The following DDOST variants were observed in gnomAD, a reference collection of about 807,000 sequenced individuals.
DDOST encodes the protein dolichyl-diphosphooligosaccharide--protein glycosyltransferase 48 kDa subunit.
DDOST carries 25 observed loss-of-function variants against 47.6 expected under a neutral mutation model. The observed-to-expected ratio is 0.53, with a 90% CI of 0.38 to 0.73. The LOEUF (loss-of-function observed/expected upper bound fraction) is 0.73. Among genes scored for constraint, DDOST ranks in the 30% least tolerant of loss-of-function variants. The probability of loss-of-function intolerance (pLI) is 0.00; values close to 1 mark genes in which losing one functional copy is unlikely to be tolerated. For synonymous variants in DDOST, 275 were observed against 236.0 expected, an observed-to-expected ratio of 1.17 and a Z score of -1.51; for missense variants, 526 against 573.9, an observed-to-expected ratio of 0.92 and a Z score of 0.85.
intron 2 of DDOST, chr1:20,660,273 A>G (rs1201407162): frequency 6.6e-6 from 1 of 152,332 alleles, no homozygotes; most frequent in African/African-American, 2.4e-5. Context: ...TCTTAACAGA[A>G]TTGTTCAGTG....
intron 2 of DDOST, 36 bp from the exon 3 acceptor site, chr1:20,656,223 C>G: frequency 1.3e-6 from 2 of 1,528,228 alleles, no homozygotes; most frequent in Non-Finnish European, 1.8e-6. Flanking sequence ...ACCCAGAGGT[C>G]TCCTCTCCCT....
At chr1:20,659,301 T>A (rs1192737742) in intron 2 of DDOST, among the ~76,000 whole-genome samples, 1 of 152,126 alleles carries the variant, frequency 6.6e-6, no homozygotes, top group African/African-American at 2.4e-5. Context: ...ACACTCTCTG[T>A]CGTTTCTCCC....
chr1:20,653,110 G>T, intron 8 of DDOST, 139 bp from the exon 9 acceptor site: 1 of 979,002 alleles, frequency 1.0e-6, no homozygotes, highest in Non-Finnish European at 1.5e-6. Flanking sequence ...AGATGCCCCT[G>T]CCACCCGGCC....
rs780866895 is a variant in DDOST, at chr1:20,654,249, C to T, written c.768G>A (p.Val256=). ...FFSDSFFNSA[V]QKAAPGSQRY... ...TCTGGGAGCCGGGCGCCGCCTTCTG[C>T]ACTGCTGAGTTGAAGAAGGAGTCGC... Residue 256 remains valine, a synonymous_variant, in exon 7 of 11, where the codon GTG becomes GTA. Transcript: ENST00000602624. The T allele has an allele frequency of 6.4e-7, 1 of 1,551,370 alleles. No homozygotes were observed. The highest frequency in any genetic ancestry group is 8.7e-7 in the Non-Finnish European group (1 of 1,147,046).
chr1:20,653,625 AC>A lies in DDOST; in HGVS notation c.942+1del. 1 of 1,587,780 alleles carries A rather than the reference AC, an allele frequency of 6.3e-7. No homozygotes were observed. Among genetic ancestry groups the A allele is most frequent in the South Asian group, 1.1e-5 (1 of 88,834 alleles). On this transcript the variant is annotated splice_donor_variant, in intron 8 of 10. Coordinates refer to ENST00000602624, the MANE Select transcript of DDOST (RefSeq NM_005216.5). LOFTEE classifies it high-confidence loss of function. Reference sequence around the variant, plus strand: ...GGCCCTCCCACCCCAAACATCTCTTACCACTAGGTCAGTGACAGTGTAGGCA... The same window carrying A: ...GGCCCTCCCACCCCAAACATCTCTTACACTAGGTCAGTGACAGTGTAGGCA...
rs2053364446 is a variant in DDOST at position 20,655,696 on chromosome 1, C to T, written c.436G>A (p.Asp146Asn). The change falls in exon 4 of 11, where the codon GAC (aspartate) becomes AAC (asparagine). Residue 146 changes from aspartate to asparagine, a missense_variant. By Grantham distance (23) the Asp-to-Asn change is conservative (BLOSUM62 1). Coordinates refer to ENST00000602624, the MANE Select transcript of DDOST (RefSeq NM_005216.5). ...KTAVIDHHNY[D>N]ISDLGQHTLI... ...ATTACCTGGCCAAGGTCTGAGATGT[C>T]ATAGTTGTGATGGTCAATGACAGCC... The T allele has an allele frequency of 6.2e-7, 1 of 1,614,064 alleles. No individual in the cohort carries two copies. The highest frequency in any genetic ancestry group is 8.5e-7 in the Non-Finnish European group (1 of 1,179,918).
chr1:20,658,699 C>T (rs1440022777), intron 2 of DDOST, among the ~76,000 whole-genome samples: 7 of 152,226 alleles, frequency 4.6e-5, no homozygotes, highest in Non-Finnish European at 1.0e-4. Flanking sequence ...CGGCAGGCAG[C>T]AGCATCTGGC....
At chr1:20,655,637 A>G (rs2053363607) in intron 4 of DDOST, 39 bp downstream of exon 4, 1 of 1,601,166 alleles carries the variant, frequency 6.2e-7, no homozygotes, top group Admixed American at 1.7e-5. Context: ...GAGCTTTGCC[A>G]TATGCCCCTG....
At chr1:20,658,852 TTTTC>T (rs1356722805) in intron 2 of DDOST, among the ~76,000 whole-genome samples, 3 of 150,262 alleles carry the variant, frequency 2.0e-5, no homozygotes, top group East Asian at 3.9e-4. Flanking sequence ...TTTTTTTCTC[TTTTC>T]TTTTTTTTTT....
Position 20,660,884 on chromosome 1 carries a change from C to G in DDOST, c.262G>C (p.Glu88Gln). 1 of 1,591,484 alleles carries G rather than the reference C, an allele frequency of 6.3e-7. No homozygotes were observed. The highest frequency in any genetic ancestry group is 8.6e-7 in the Non-Finnish European group (1 of 1,159,560). The change falls in exon 2 of 11, where the codon GAA (glutamate) becomes CAA (glutamine). Residue 88 changes from glutamate to glutamine, a missense_variant. Transcript: ENST00000602624. ...DNLIIFSPSV[E>Q]DFGGNINVET... ...AGGGGCGACGCGGAACCCTTACCTT[C>G]TACCGAAGGGGAGAAAATGATGAGA...
At chr1:20,654,533 C>CTAG in intron 6 of DDOST, 81 bp downstream of exon 6, 1 of 1,407,130 alleles carries the variant, frequency 7.1e-7, no homozygotes, top group South Asian at 1.2e-5. Context: ...ACCCCACCAA[C>CTAG]TAGTCATTTC....
chr1:20,655,449 C>G lies in DDOST; in HGVS notation c.542G>C (p.Arg181Pro), dbSNP rs780909764. 6.2e-7 allele frequency: 1 copy of G among 1,613,372 alleles called. No homozygotes were observed. The highest frequency in any genetic ancestry group is 8.5e-7 in the Non-Finnish European group (1 of 1,179,568). The change falls in exon 5 of 11, where the codon CGA becomes CCA. Residue 181 changes from arginine to proline, a missense_variant. By Grantham distance (103) the Arg-to-Pro change is moderately radical. Transcript: ENST00000602624. ...CTGCTCACTCACTCACCCAACACCTCGAAAGAGGATGGGATTTAGAGATGA... is the reference window on the plus strand; with the variant it reads ...CTGCTCACTCACTCACCCAACACCTGGAAAGAGGATGGGATTTAGAGATGA... ...GKSSLNPILFRGVGMVADPDN... is the reference protein window; with the variant it reads ...GKSSLNPILFPGVGMVADPDN...
rs1557570289 is a variant in DDOST, at chr1:20,652,466, G to A, written c.1233C>T (p.Tyr411=). ...YERFIPSAYP[Y]YASAFSMMLG... ...GCATCATGGAGAAGGCGCTGGCGTA[G>A]TAGGGGTAGGCCGAGGGGATGAAGC... Residue 411 remains tyrosine (Y), a synonymous_variant, in exon 11 of 11, where the codon TAC becomes TAT. Coordinates refer to ENST00000602624, the MANE Select transcript of DDOST (RefSeq NM_005216.5). 1 of 1,613,882 alleles carries A rather than the reference G, an allele frequency of 6.2e-7. No homozygotes were observed. Among genetic ancestry groups the A allele is most frequent in the Admixed American group, 1.7e-5 (1 of 60,012 alleles).
chr1:20,661,095 G>A (rs1388661314), intron 1 of DDOST, 102 bp downstream of exon 1: 3 of 1,487,252 alleles, frequency 2.0e-6, no homozygotes, highest in East Asian at 2.3e-5. Context: ...AGACCCGGGC[G>A]GCCTGCTCCA....
intron 3 of DDOST, 73 bp from the exon 4 acceptor site, chr1:20,655,852 G>A: frequency 7.9e-7 from 1 of 1,266,826 alleles, no homozygotes. Context: ...TGGCTTCCTT[G>A]TGACTCCCTC....
intron 7 of DDOST, 83 bp downstream of exon 7, chr1:20,654,140 C>T: frequency 1.4e-6 from 2 of 1,467,188 alleles, no homozygotes; most frequent in South Asian, 2.5e-5. Flanking sequence ...AGCTAAAAGC[C>T]TCCTTCTTCC....
At chr1:20,659,705 A>G (rs1309545738) in intron 2 of DDOST, among the ~76,000 whole-genome samples, 2 of 152,258 alleles carry the variant, frequency 1.3e-5, no homozygotes, top group African/African-American at 4.8e-5. Context: ...GGAGTGACAC[A>G]GTAAGTAACA....
rs1351336103 is a variant in DDOST at position 20,652,936 on chromosome 1, G to C, written c.978C>G (p.Gly326=). The C allele has an allele frequency of 1.2e-6, 2 of 1,614,202 alleles. No individual in the cohort carries two copies. Among genetic ancestry groups the C allele is most frequent in the African/African-American group, 2.7e-5 (2 of 75,064 alleles). Residue 326 remains glycine (G), a synonymous_variant, in exon 9 of 11, where the codon GGC becomes GGG. Coordinates refer to ENST00000602624, the MANE Select transcript of DDOST (RefSeq NM_005216.5). ...CATCGCCATCAAAGGGGACCCATTT[G>C]CCATTTGAGAGCTGCTGGATCACGA... ...YSIVIQQLSN[G]KWVPFDGDDI...
chr1:20,657,947 G>A lies in DDOST; in HGVS notation c.266-1760C>T, dbSNP rs573662919. Among the ~76,000 whole-genome samples the A allele has an allele frequency of 5.3e-5, 8 of 151,472 alleles. No homozygotes were observed. The East Asian group carries it at 1.4e-3, about 26-fold the overall frequency. ...CAATGTCTGGAGACATTTCTTCGCC[G>A]TCACATAACAGGGAAGTGGCCACTG... On this transcript the variant is annotated intron_variant, in intron 2 of 10. Coordinates refer to ENST00000602624, the MANE Select transcript of DDOST (RefSeq NM_005216.5).
Sources: gnomAD v4.1 joint callset for allele counts (sites outside exome capture counted in the v4.1 genomes callset) on GRCh38, gnomAD v4.1.1 for gene constraint, MANE v1.5 for transcripts, NCBI Gene and HGNC (gene_info 2026-07-23, HGNC 2026-07-21) for gene names.